TMCC2: variants seen among roughly 807,000 people sequenced by gnomAD.
TMCC2 encodes transmembrane and coiled-coil domain family 2, also known as transmembrane and coiled-coil domains protein 2.
A neutral mutation model predicts 49.4 loss-of-function variants in TMCC2; 16 were observed. The ratio of observed to expected loss-of-function variants is 0.32; its 90% CI spans 0.22 to 0.49. The LOEUF is 0.49. Among genes scored for constraint, TMCC2 ranks in the 20% least tolerant of loss-of-function variants. TMCC2 has a pLI of 0.99. For synonymous variants in TMCC2, 397 were observed against 434.1 expected, an observed-to-expected ratio of 0.91 and a Z score of 1.06; for missense variants, 762 against 989.8, an observed-to-expected ratio of 0.77 and a Z score of 3.09.
At chr1:205,266,240 C>CAA (rs35034505) in intron 2 of TMCC2, among the ~76,000 whole-genome samples, 91 of 49,174 alleles carry the variant, frequency 1.9e-3, no homozygotes, top group African/African-American at 3.2e-3. Context: ...GACTCTGTCT[C>CAA]AAAAAAAAAA....
intron 2 of TMCC2, chr1:205,246,736 G>A (rs1389580581): frequency 2.0e-6 from 3 of 1,537,372 alleles, no homozygotes; most frequent in African/African-American, 2.7e-5. Context: ...GAAAAATCCT[G>A]TCAAGCAGGA....
chr1:205,233,700 A>G (rs969083960), intron 1 of TMCC2: 7 of 151,424 alleles, frequency 4.6e-5, no homozygotes, highest in African/African-American at 1.5e-4. Context: ...CGCAGTTTAA[A>G]TAACAGAAGC....
chr1:205,228,981 C>T, intron 1 of TMCC2: 2 of 1,376,900 alleles, frequency 1.5e-6, no homozygotes, highest in African/African-American at 1.4e-5. Flanking sequence ...TGTGTTTGTT[C>T]CCCATTATTC....
At chr1:205,246,526 G>A in intron 2 of TMCC2, 1 of 1,519,012 alleles carries the variant, frequency 6.6e-7, no homozygotes, top group East Asian at 2.5e-5. Flanking sequence ...CCTCCACTGG[G>A]GAGAAGTCTG....
chr1:205,269,518 C>T lies in TMCC2; in HGVS notation c.1316C>T (p.Ala439Val). The change falls in exon 3 of 5, where the codon GCT becomes GTT. Residue 439 changes from alanine to valine, a missense_variant. This residue lies in a region of TMCC2 where 440 missense variants were observed against 636.7 expected (regional missense o/e 0.69). Transcript: ENST00000358024. ...ASLIRNKFGSADNIAHLKDPL... is the reference protein window; with the variant it reads ...ASLIRNKFGSVDNIAHLKDPL... Reference sequence around the variant, plus strand: ...CTCATCCGCAACAAGTTTGGCAGTGCTGACAACATCGCCCACCTGAAGGAC... The same window carrying T: ...CTCATCCGCAACAAGTTTGGCAGTGTTGACAACATCGCCCACCTGAAGGAC... 6.2e-7 allele frequency: 1 copy of T among 1,612,716 alleles called. No individual in the cohort carries two copies. The highest frequency in any genetic ancestry group is 8.5e-7 in the Non-Finnish European group (1 of 1,179,180).
In TMCC2 at chr1:205,228,757, C is replaced by A. The variant is rs1173605012; in HGVS notation, c.193C>A (p.Pro65Thr). 1 of 1,606,336 alleles carries A rather than the reference C, an allele frequency of 6.2e-7. No homozygotes were observed. The highest frequency in any genetic ancestry group is 1.8e-4 in the Middle Eastern group (1 of 5,596). Residue 65 changes from proline (P) to threonine (T), a missense_variant, in exon 1 of 5, where the codon CCT (proline) becomes ACT (threonine). Physicochemically the swap from Pro to Thr is conservative, Grantham distance 38. Coordinates refer to ENST00000358024, the MANE Select transcript of TMCC2 (RefSeq NM_014858.4). ...AAPNPGPRSK[P>T]PDLKKIQQLS... is the part of the protein sequence containing the mutation. ...GCCCAACCCAGGTCCCCGAAGCAAG[C>A]CTCCTGATTTAAAGGTGAGCGCAGA...
rs527917573 is a variant in TMCC2, at chr1:205,234,583, G to A, written c.207+5812G>A. On this transcript the variant is annotated intron_variant, in intron 1 of 4. Transcript: ENST00000358024. ...CATGGAAATACATAGAAGTTAAAGG[G>A]TACTTAGAGCATCATGCAGTGCAAT... 7.2e-5 allele frequency among the ~76,000 whole-genome samples: 11 copies of A among 152,272 alleles called. No individual in the cohort carries two copies. In the South Asian group the frequency reaches 2.3e-3, roughly 32 times the overall value.
rs768405452 is a variant in TMCC2, at chr1:205,269,057, C to T, written c.855C>T (p.Thr285=). The part of the protein sequence containing the change: ...VPDGAPDPQR[T]KAAIDHLHQK... ...ATGGGGCACCGGACCCCCAGCGGAC[C>T]AAGGCCGCCATTGACCACCTGCACC... is the stretch of plus-strand genomic sequence containing the variant. Residue 285 remains threonine (T), a synonymous_variant, in exon 3 of 5, where the codon ACC becomes ACT. Transcript: ENST00000358024. 3 of 1,613,664 alleles carry T rather than the reference C, an allele frequency of 1.9e-6. No individual in the cohort carries two copies. In the East Asian group the frequency reaches 6.7e-5, roughly 36 times the overall value.
chr1:205,242,094 C>T lies in TMCC2; in HGVS notation c.747+50C>T, dbSNP rs570670898. On this transcript the variant is annotated intron_variant, in intron 2 of 4. Transcript: ENST00000358024. ...GGGAGACTCAGAGGCAAGGGCCATC[C>T]GCTGAGGGGCCTTGAGACCTGGGGA... 50 of 1,509,652 alleles carry T rather than the reference C, an allele frequency of 3.3e-5. No individual in the cohort carries two copies. In the East Asian group the frequency reaches 7.8e-4, roughly 24 times the overall value. The allele number at this position is 1,509,652 out of a possible 1,614,324, so 93.5% of individuals were successfully genotyped here.
At chr1:205,263,135 A>T (rs113687390) in intron 2 of TMCC2, among the ~76,000 whole-genome samples, 1 of 152,094 alleles carries the variant, frequency 6.6e-6, no homozygotes, top group Non-Finnish European at 1.5e-5. Context: ...GCCCACATGC[A>T]TGCAGGTACA....
chr1:205,252,708 G>T (rs1660713106), intron 2 of TMCC2, among the ~76,000 whole-genome samples: 1 of 152,022 alleles, frequency 6.6e-6, no homozygotes, highest in Admixed American at 6.6e-5. Flanking sequence ...GCCTCACCTT[G>T]TATTCTAAGC....
At chr1:205,265,538 C>T (rs991479673) in intron 2 of TMCC2, among the ~76,000 whole-genome samples, 3 of 152,086 alleles carry the variant, frequency 2.0e-5, no homozygotes, top group Non-Finnish European at 4.4e-5. Flanking sequence ...AGTGATGCAG[C>T]CAGACTCAGA....
At chr1:205,266,711 T>A (rs1311066005) in intron 2 of TMCC2, among the ~76,000 whole-genome samples, 2 of 152,070 alleles carry the variant, frequency 1.3e-5, no homozygotes, top group Non-Finnish European at 2.9e-5. Context: ...ATTGCAGGCA[T>A]TTTTTCTCCC....
chr1:205,241,828 G>A lies in TMCC2; in HGVS notation c.531G>A (p.Gly177=), dbSNP rs1660280635. Residue 177 remains glycine (G), a synonymous_variant, in exon 2 of 5, where the codon GGG becomes GGA. Coordinates refer to ENST00000358024, the MANE Select transcript of TMCC2 (RefSeq NM_014858.4). The surrounding 1 kb of genome is among the most constrained non-coding windows in gnomAD (Gnocchi z 7.3). ...LHSSSGGGSS[G]SSSRRTKSSS... ...GCAGCAGTGGGGGCGGCAGCAGCGG[G>A]AGCAGCAGCCGGCGCACCAAGAGTA... The A allele has an allele frequency of 1.9e-6, 3 of 1,601,738 alleles. No individual in the cohort carries two copies. Among genetic ancestry groups the A allele is most frequent in the Non-Finnish European group, 2.6e-6 (3 of 1,175,554 alleles).
chr1:205,229,545 C>CGGGGGGGGGGGGGGGGGGGG (rs1241476015), intron 1 of TMCC2: 3 of 283,956 alleles, frequency 1.1e-5, no homozygotes, highest in Non-Finnish European at 7.8e-6. Flanking sequence ...TGTGAAGGGG[C>CGGGGGGGGGGGGGGGGGGGG]GGGGGGGGGG....
intron 1 of TMCC2, chr1:205,233,695 T>C (rs1659903500): frequency 6.6e-6 from 1 of 151,346 alleles, no homozygotes; most frequent in Admixed American, 6.6e-5. Context: ...ATGTACGCAG[T>C]TTAAATAACA....
chr1:205,249,925 C>T (rs1348104343), intron 2 of TMCC2, among the ~76,000 whole-genome samples: 2 of 152,246 alleles, frequency 1.3e-5, no homozygotes, highest in Admixed American at 6.5e-5. Flanking sequence ...CTCAGTGACT[C>T]AAAGCCCCTA....
Position 205,228,559 on chromosome 1 carries a change from T to G in TMCC2, c.-6T>G. On this transcript the variant is annotated 5_prime_UTR_variant, in exon 1 of 5. Coordinates refer to ENST00000358024, the MANE Select transcript of TMCC2 (RefSeq NM_014858.4). Reference sequence around the variant, plus strand: ...GACAGATTCCCCTTGCCGACCCACATACACCATGAAGAGGTGCAGATCGGA... The same window carrying G: ...GACAGATTCCCCTTGCCGACCCACAGACACCATGAAGAGGTGCAGATCGGA... The G allele has an allele frequency of 1.2e-6, 2 of 1,600,798 alleles. No individual in the cohort carries two copies. Among genetic ancestry groups the G allele is most frequent in the Non-Finnish European group, 1.7e-6 (2 of 1,170,268 alleles).
At chr1:205,271,013 G>C (rs1668868) in intron 3 of TMCC2, 107 bp from the exon 4 acceptor site, 10 of 1,471,278 alleles carry the variant, frequency 6.8e-6, no homozygotes, top group African/African-American at 4.1e-5. Flanking sequence ...GCTGGACACG[G>C]GGGATGGGCT....
Sources: gnomAD v4.1 joint callset for allele counts (sites outside exome capture counted in the v4.1 genomes callset) on GRCh38, gnomAD v4.1.1 for gene constraint, gnomAD v4.1.1 regional missense constraint, Gnocchi (gnomAD v3.1) non-coding constraint, MANE v1.5 for transcripts, NCBI Gene and HGNC (gene_info 2026-07-23, HGNC 2026-07-21) for gene names.